AKAP6: variants seen among roughly 807,000 people sequenced by gnomAD.
The protein encoded by AKAP6 is A-kinase anchoring protein 6.
A neutral mutation model predicts 188.5 loss-of-function variants in AKAP6; 58 were observed. That is an observed-to-expected ratio of 0.31 (90% CI 0.25 to 0.38). The LOEUF is 0.38. Among genes scored for constraint, AKAP6 ranks in the 10% least tolerant of loss-of-function variants. The probability of loss-of-function intolerance (pLI) is 1.00; values close to 1 mark genes in which losing one functional copy is unlikely to be tolerated. For missense variants in AKAP6, 2,710 were observed against 2,740.0 expected, an observed-to-expected ratio of 0.99 and a Z score of 0.24; for synonymous variants, 989 against 998.6, an observed-to-expected ratio of 0.99 and a Z score of 0.18.
chr14:32,635,399 G>T (rs1335294205), intron 7 of AKAP6, among the ~76,000 whole-genome samples: 1 of 151,984 alleles, frequency 6.6e-6, no homozygotes, highest in Non-Finnish European at 1.5e-5. Flanking sequence ...ATATTTTATT[G>T]TCCATTCTAA....
At chr14:32,491,529 C>T in intron 2 of AKAP6, among the ~76,000 whole-genome samples, 1 of 152,140 alleles carries the variant, frequency 6.6e-6, no homozygotes, top group Non-Finnish European at 1.5e-5. Context: ...GTGGCAGATA[C>T]TGAAGGCAGG....
intron 12 of AKAP6, among the ~76,000 whole-genome samples, chr14:32,809,191 AACAG>A (rs1040192138): frequency 2.1e-4 from 32 of 152,252 alleles, no homozygotes; most frequent in African/African-American, 6.5e-4. Flanking sequence ...GGTGAAATAA[AACAG>A]ACAGAGACAA....
chr14:32,650,917 C>G (rs1409751556), intron 7 of AKAP6, among the ~76,000 whole-genome samples: 2 of 152,056 alleles, frequency 1.3e-5, no homozygotes, highest in Admixed American at 1.3e-4. Context: ...TTATAAATGT[C>G]CTTGTGACTC....
chr14:32,369,074 G>A (rs1003600040), intron 1 of AKAP6, among the ~76,000 whole-genome samples: 22 of 152,036 alleles, frequency 1.4e-4, no homozygotes, highest in Non-Finnish European at 1.6e-4. Flanking sequence ...GGCATAAACT[G>A]GGCAAATCAG....
chr14:32,481,224 C>A (rs1350383130), intron 2 of AKAP6, among the ~76,000 whole-genome samples: 5 of 152,094 alleles, frequency 3.3e-5, no homozygotes, highest in Non-Finnish European at 5.9e-5. Flanking sequence ...AAATAAAATT[C>A]CAAGATGGTA....
At chr14:32,470,094 C>A (rs1377736739) in intron 2 of AKAP6, among the ~76,000 whole-genome samples, 1 of 152,126 alleles carries the variant, frequency 6.6e-6, no homozygotes, top group African/African-American at 2.4e-5. Context: ...CCATCACTCC[C>A]TTTCCTCCAC....
chr14:32,599,162 A>G (rs1885821387), intron 5 of AKAP6, among the ~76,000 whole-genome samples: 1 of 152,170 alleles, frequency 6.6e-6, no homozygotes, highest in Non-Finnish European at 1.5e-5. Context: ...ACGGGATGTG[A>G]CTTTTCATAA....
At chr14:32,419,901 A>AAAACAAAAACAAAAACAG (rs541132142) in intron 1 of AKAP6, among the ~76,000 whole-genome samples, 13 of 150,738 alleles carry the variant, frequency 8.6e-5, no homozygotes, top group African/African-American at 3.2e-4. Context: ...AACAAAAACA[A>AAAACAAAAACAAAAACAG]AAACAAAAGA....
intron 1 of AKAP6, among the ~76,000 whole-genome samples, chr14:32,394,497 A>G (rs1243706454): frequency 6.6e-6 from 1 of 152,196 alleles, no homozygotes; most frequent in Non-Finnish European, 1.5e-5. Context: ...AATAAAATAA[A>G]AAATGTGGGG....
intron 2 of AKAP6, among the ~76,000 whole-genome samples, chr14:32,525,420 G>A (rs1882070958): frequency 6.6e-6 from 1 of 152,220 alleles, no homozygotes; most frequent in South Asian, 2.1e-4. Context: ...GGTATATCCT[G>A]ACAGAACTTC....
Position 32,653,395 on chromosome 14 carries a change from A to G in AKAP6, c.2731-24916A>G, listed in dbSNP as rs938958403. Among the ~76,000 whole-genome samples the G allele has an allele frequency of 3.9e-5, 6 of 152,066 alleles. No homozygotes were observed. The South Asian group carries it at 8.3e-4, about 21-fold the overall frequency. On this transcript the variant is annotated intron_variant, in intron 7 of 13. Transcript: ENST00000280979. ...GAGGGCTCACTCATGGCTTGGTGCTATCTTTCTGATAGTGAGTTCTCATGA... is the reference window on the plus strand; with the variant it reads ...GAGGGCTCACTCATGGCTTGGTGCTGTCTTTCTGATAGTGAGTTCTCATGA...
chr14:32,465,366 G>A (rs1396321925), intron 2 of AKAP6, among the ~76,000 whole-genome samples: 1 of 121,772 alleles, frequency 8.2e-6, no homozygotes, highest in Non-Finnish European at 1.6e-5. Flanking sequence ...AACCAAAACA[G>A]CGTGGTACTG....
intron 7 of AKAP6, among the ~76,000 whole-genome samples, chr14:32,675,781 A>G (rs899323760): frequency 5.1e-4 from 78 of 152,206 alleles, no homozygotes; most frequent in Admixed American, 2.2e-3. Flanking sequence ...CATTTCAATC[A>G]TTTTGTAAGG....
intron 1 of AKAP6, among the ~76,000 whole-genome samples, chr14:32,355,291 A>G (rs188327320): frequency 2.2e-4 from 33 of 152,256 alleles, no homozygotes; most frequent in Admixed American, 2.2e-3. Flanking sequence ...CTGTTGTTGT[A>G]TGTAAATCCT....
intron 10 of AKAP6, chr14:32,733,888 A>G (rs2031298372): frequency 6.6e-6 from 1 of 152,198 alleles, no homozygotes. Flanking sequence ...TGCTTGATAA[A>G]GTAGCGATAA....
intron 9 of AKAP6, among the ~76,000 whole-genome samples, chr14:32,696,876 A>G (rs1890426219): frequency 6.6e-6 from 1 of 151,930 alleles, no homozygotes; most frequent in Non-Finnish European, 1.5e-5. Context: ...CCACTGAAAT[A>G]TCAGACTGCA....
intron 8 of AKAP6, among the ~76,000 whole-genome samples, chr14:32,680,237 C>T (rs1889618167): frequency 6.6e-6 from 1 of 152,138 alleles, no homozygotes; most frequent in Non-Finnish European, 1.5e-5. Context: ...TAAGAGTGCA[C>T]TGAAAGAAAG....
At position 32,823,072 on chromosome 14, in the gene AKAP6, C is replaced by T. The variant is rs41285502; in HGVS notation, c.5259C>T (p.Ser1753=). The change falls in exon 13 of 14, where the codon AGC becomes AGT. Residue 1753 remains serine, a synonymous_variant. Coordinates refer to ENST00000280979, the MANE Select transcript of AKAP6 (RefSeq NM_004274.5). Reference sequence around the variant, plus strand: ...CTTGCACTGATGATGAAGATGACAGCGACCTGCTCTCCAGCTCTACCCTTA... The same window carrying T: ...CTTGCACTGATGATGAAGATGACAGTGACCTGCTCTCCAGCTCTACCCTTA... ...TSACTDDEDD[S]DLLSSSTLTL... The T allele has an allele frequency of 1.8e-4, 286 of 1,613,712 alleles. No homozygotes were observed. Among genetic ancestry groups the T allele is most frequent in the Admixed American group, 6.2e-4 (37 of 59,938 alleles).
chr14:32,350,856 G>A (rs145273348), intron 1 of AKAP6, among the ~76,000 whole-genome samples: 4 of 152,266 alleles, frequency 2.6e-5, no homozygotes, highest in Admixed American at 6.5e-5. Flanking sequence ...AGGATGAGAA[G>A]TAGAACTTCT....
Sources: gnomAD v4.1 joint callset for allele counts (sites outside exome capture counted in the v4.1 genomes callset) on GRCh38, gnomAD v4.1.1 for gene constraint, MANE v1.5 for transcripts, NCBI Gene and HGNC (gene_info 2026-07-23, HGNC 2026-07-21) for gene names.